HIPK3: variants seen among roughly 807,000 people sequenced by gnomAD.
HIPK3 encodes homeodomain-interacting protein kinase 3.
Under a neutral mutation model 124.2 loss-of-function variants are expected in HIPK3, and 47 were observed. The observed-to-expected ratio is 0.38, with a 90% CI of 0.30 to 0.48. HIPK3 has a LOEUF of 0.48. Among genes scored for constraint, HIPK3 ranks in the 20% least tolerant of loss-of-function variants. The pLI is 0.98. For synonymous variants in HIPK3, 482 were observed against 515.2 expected (o/e 0.94, Z 0.87); for missense variants, 1,286 against 1,454.3 (o/e 0.88, Z 1.88).
rs143446902 is a variant in HIPK3, at chr11:33,289,945, C to T, written c.1097+2434C>T. ...GTCTTTCTGTGCCTGGCTTATTTCA[C>T]GTAACATAATGTCCTTCAGTTCCAT... On this transcript the variant is annotated intron_variant, in intron 2 of 16. Coordinates refer to ENST00000303296, the MANE Select transcript of HIPK3 (RefSeq NM_005734.5). Among the ~76,000 whole-genome samples the T allele has an allele frequency of 2.2e-4, 33 of 152,296 alleles. No homozygotes were observed. In the East Asian group the frequency reaches 2.5e-3, roughly 12 times the overall value.
chr11:33,347,985 A>G lies in HIPK3; in HGVS notation c.2278A>G (p.Thr760Ala). The change falls in exon 11 of 17, where the codon ACC becomes GCC. Residue 760 changes from threonine to alanine, a missense_variant. By Grantham distance (58) the Thr-to-Ala change is moderately conservative (BLOSUM62 0). This residue lies in a region of HIPK3 where 810 missense variants were observed against 864.9 expected (regional missense o/e 0.94). Coordinates refer to ENST00000303296, the MANE Select transcript of HIPK3 (RefSeq NM_005734.5). ...TGTTGTCTGGCCTCAGCCTGCCACT[A>G]CCAAGAAAAATAAACAGTGCCAGAA... ...AHVVWPQPAT[T>A]KKNKQCQNRG... is the part of the protein sequence containing the mutation. 1 of 1,614,202 alleles carries G rather than the reference A, an allele frequency of 6.2e-7. No homozygotes were observed. The highest frequency in any genetic ancestry group is 8.5e-7 in the Non-Finnish European group (1 of 1,180,024).
chr11:33,348,568 T>C lies in HIPK3; in HGVS notation c.2416T>C (p.Ser806Pro). 1 of 1,613,278 alleles carries C rather than the reference T, an allele frequency of 6.2e-7. No homozygotes were observed. Among genetic ancestry groups the C allele is most frequent in the Non-Finnish European group, 8.5e-7 (1 of 1,179,218 alleles). Residue 806 changes from serine to proline, a missense_variant, in exon 13 of 17, where the codon TCT (serine) becomes CCT (proline). By Grantham distance (74) the Ser-to-Pro change is moderately conservative (BLOSUM62 -1). This residue lies in a region of HIPK3 where 810 missense variants were observed against 864.9 expected (regional missense o/e 0.94). Coordinates refer to ENST00000303296, the MANE Select transcript of HIPK3 (RefSeq NM_005734.5). ...NTNIPHSAFI[S>P]PKIINGKDVE... is the part of the protein sequence containing the mutation. ...CAATATCCCACATTCAGCATTTATTTCTCCAAAGATAATTAATGGGAAAGA... is the reference window on the plus strand; with the variant it reads ...CAATATCCCACATTCAGCATTTATTCCTCCAAAGATAATTAATGGGAAAGA...
At chr11:33,315,177 C>G (rs1177249106) in intron 2 of HIPK3, among the ~76,000 whole-genome samples, 2 of 152,154 alleles carry the variant, frequency 1.3e-5, no homozygotes, top group Non-Finnish European at 2.9e-5. Context: ...AATCTGGTCC[C>G]TTAGCTTCTC....
intron 1 of HIPK3, among the ~76,000 whole-genome samples, chr11:33,275,018 T>G (rs1041338203): frequency 4.6e-5 from 7 of 152,174 alleles, no homozygotes; most frequent in Admixed American, 3.3e-4. Flanking sequence ...GTATGGTGGT[T>G]GTTTCTTATA....
chr11:33,284,152 G>A (rs1341296066), intron 1 of HIPK3, among the ~76,000 whole-genome samples: 4 of 152,150 alleles, frequency 2.6e-5, no homozygotes, highest in Admixed American at 2.6e-4. Context: ...ACTGATGTTT[G>A]TGATTTGTTA....
chr11:33,318,125 C>A (rs1373098636), intron 2 of HIPK3, among the ~76,000 whole-genome samples: 1 of 152,074 alleles, frequency 6.6e-6, no homozygotes, highest in African/African-American at 2.4e-5. Flanking sequence ...GTTTTAAAAT[C>A]AAAGGTGATA....
intron 1 of HIPK3, among the ~76,000 whole-genome samples, chr11:33,264,099 C>T (rs1159859095): frequency 2.6e-5 from 4 of 152,026 alleles, no homozygotes; most frequent in African/African-American, 4.8e-5. Flanking sequence ...ATAAATATCT[C>T]TTAAAGACTA....
At chr11:33,297,591 A>G (rs1234453704) in intron 2 of HIPK3, among the ~76,000 whole-genome samples, 2 of 152,182 alleles carry the variant, frequency 1.3e-5, no homozygotes, top group East Asian at 3.9e-4. Context: ...TCCATAACAT[A>G]AAAGTGCAAG....
chr11:33,305,679 ATCT>A (rs1852135964), intron 2 of HIPK3, among the ~76,000 whole-genome samples: 1 of 152,148 alleles, frequency 6.6e-6, no homozygotes, highest in South Asian at 2.1e-4. Flanking sequence ...ATTTTCTCTC[ATCT>A]TCCTGAAAAT....
Position 33,353,128 on chromosome 11 carries a change from G to A in HIPK3, c.3208G>A (p.Gly1070Arg), listed in dbSNP as rs750422947. 1.2e-6 allele frequency: 2 copies of A among 1,613,070 alleles called. No homozygotes were observed. Among genetic ancestry groups the A allele is most frequent in the African/African-American group, 2.7e-5 (2 of 74,746 alleles). ...TGGATCTGGGCATCAAGAGTGGAAT[G>A]GAAACTTTGGGCACAGAAGACAGCA... ...HFGSGHQEWNGNFGHRRQQAY... is the reference protein window; with the variant it reads ...HFGSGHQEWNRNFGHRRQQAY... Residue 1070 changes from glycine to arginine, a missense_variant, in exon 17 of 17, where the codon GGA (glycine) becomes AGA (arginine). By Grantham distance (125) the Gly-to-Arg change is moderately radical (BLOSUM62 -2). This residue lies in a region of HIPK3 where 810 missense variants were observed against 864.9 expected (regional missense o/e 0.94). Transcript: ENST00000303296.
At chr11:33,344,177 G>A (rs767157754) in intron 8 of HIPK3, among the ~76,000 whole-genome samples, 3 of 152,112 alleles carry the variant, frequency 2.0e-5, no homozygotes, top group South Asian at 2.1e-4. Context: ...AAATTAAATG[G>A]TAGATTTTAT....
chr11:33,278,914 A>G (rs1851340402), intron 1 of HIPK3, among the ~76,000 whole-genome samples: 3 of 152,244 alleles, frequency 2.0e-5, no homozygotes, highest in South Asian at 4.1e-4. Context: ...TAAAAAGGAA[A>G]AGATTTTTAA....
At chr11:33,270,642 G>C (rs188959939) in intron 1 of HIPK3, among the ~76,000 whole-genome samples, 1 of 152,028 alleles carries the variant, frequency 6.6e-6, no homozygotes, top group African/African-American at 2.4e-5. Flanking sequence ...AGAACATTAC[G>C]CTGCTATTTA....
chr11:33,340,656 G>A (rs1252880391), intron 6 of HIPK3, among the ~76,000 whole-genome samples: 1 of 152,154 alleles, frequency 6.6e-6, no homozygotes, highest in Non-Finnish European at 1.5e-5. Context: ...ATTTAGTGGT[G>A]TGGAGATCTC....
At chr11:33,258,324 C>T in intron 1 of HIPK3, 1 of 985,516 alleles carries the variant, frequency 1.0e-6, no homozygotes, top group Non-Finnish European at 1.2e-6. Flanking sequence ...ACGGAGATCC[C>T]TTTCCTTTCA....
chr11:33,300,301 T>G (rs561675762), intron 2 of HIPK3, among the ~76,000 whole-genome samples: 77 of 151,170 alleles, frequency 5.1e-4, no homozygotes, highest in African/African-American at 1.7e-3. Context: ...AGCTGAGAGA[T>G]CTTGCCAGTG....
intron 2 of HIPK3, among the ~76,000 whole-genome samples, chr11:33,309,894 A>G (rs1447503938): frequency 6.6e-6 from 1 of 152,184 alleles, no homozygotes; most frequent in Non-Finnish European, 1.5e-5. Context: ...TACAGGTGGT[A>G]TTTATAAGTC....
chr11:33,292,212 A>G (rs562148967), intron 2 of HIPK3, among the ~76,000 whole-genome samples: 6 of 152,266 alleles, frequency 3.9e-5, no homozygotes, highest in Non-Finnish European at 7.4e-5. Context: ...TGATAAGGAG[A>G]AAACTGGGAC....
At chr11:33,280,082 TATTA>T (rs1318852060) in intron 1 of HIPK3, among the ~76,000 whole-genome samples, 4 of 152,090 alleles carry the variant, frequency 2.6e-5, no homozygotes, top group African/African-American at 9.7e-5. Flanking sequence ...AACCTGAAAT[TATTA>T]ATTCTAAGGA....
Sources: gnomAD v4.1 joint callset for allele counts (sites outside exome capture counted in the v4.1 genomes callset) on GRCh38, gnomAD v4.1.1 for gene constraint, gnomAD v4.1.1 regional missense constraint, MANE v1.5 for transcripts, NCBI Gene and HGNC (gene_info 2026-07-23, HGNC 2026-07-21) for gene names.